The following FBXO11 variants were observed in gnomAD, a reference collection of about 807,000 sequenced individuals.
FBXO11 encodes the protein F-box only protein 11.
FBXO11 carries 13 observed loss-of-function variants against 117.0 expected under a neutral mutation model. The observed-to-expected ratio is 0.11, with a 90% CI of 0.07 to 0.18. The LOEUF is 0.18. Among genes scored for constraint, FBXO11 ranks in the 10% least tolerant of loss-of-function variants. The pLI is 1.00. For missense variants in FBXO11, 767 were observed against 1,164.4 expected (o/e 0.66, Z 4.97); for synonymous variants, 490 against 380.5 (o/e 1.29, Z -3.35).
At position 47,836,011 on chromosome 2, in the gene FBXO11, G is replaced by T; in HGVS notation, c.588-10C>A. 6.4e-7 allele frequency: 1 copy of T among 1,558,336 alleles called. No individual in the cohort carries two copies. Among genetic ancestry groups the T allele is most frequent in the Non-Finnish European group, 8.7e-7 (1 of 1,150,654 alleles). On this transcript the variant is annotated splice_polypyrimidine_tract_variant and intron_variant, in intron 4 of 22. Coordinates refer to ENST00000403359, the MANE Select transcript of FBXO11 (RefSeq NM_001190274.2). ...CATATATAATCGTTTCCTGAACAGA[G>T]AAAGGAATTAAAATTTTCTTGATAA...
At chr2:47,873,925 A>G (rs1446194731) in intron 1 of FBXO11, among the ~76,000 whole-genome samples, 1 of 152,076 alleles carries the variant, frequency 6.6e-6, no homozygotes, top group Non-Finnish European at 1.5e-5. Context: ...TAAAATATGT[A>G]ACTTTAAAGC....
At position 47,813,394 on chromosome 2, in the gene FBXO11, G is replaced by A; in HGVS notation, c.2084-17C>T. 3 of 1,174,902 alleles carry A rather than the reference G, an allele frequency of 2.6e-6. No individual in the cohort carries two copies. Among genetic ancestry groups the A allele is most frequent in the African/African-American group, 1.8e-5 (1 of 55,628 alleles). 72.8% of individuals were successfully genotyped at this position (1,174,902 alleles called of 1,614,324 possible). On this transcript the variant is annotated splice_polypyrimidine_tract_variant and intron_variant, in intron 17 of 22. Transcript: ENST00000403359. Reference sequence around the variant, plus strand: ...AGCCTAGACCTATAAATGCAAAAATGTAGGTTATCTAGAAGGTATATTTCT... The same window carrying A: ...AGCCTAGACCTATAAATGCAAAAATATAGGTTATCTAGAAGGTATATTTCT...
At chr2:47,819,982 G>C (rs572286843) in intron 14 of FBXO11, among the ~76,000 whole-genome samples, 1 of 152,162 alleles carries the variant, frequency 6.6e-6, no homozygotes, top group Non-Finnish European at 1.5e-5. Context: ...AAATGAAAAA[G>C]TGGCAGAACT....
chr2:47,867,286 A>G (rs1226929628), intron 1 of FBXO11, among the ~76,000 whole-genome samples: 1 of 152,198 alleles, frequency 6.6e-6, no homozygotes, highest in African/African-American at 2.4e-5. Context: ...GCTCTGCTCC[A>G]TAGAATCATC....
At chr2:47,894,511 A>C (rs1199977241) in intron 1 of FBXO11, among the ~76,000 whole-genome samples, 1 of 152,208 alleles carries the variant, frequency 6.6e-6, no homozygotes, top group African/African-American at 2.4e-5. Flanking sequence ...TTTTGGAATG[A>C]AGGCCCAGAA....
intron 16 of FBXO11, among the ~76,000 whole-genome samples, chr2:47,815,245 T>C (rs1343985200): frequency 2.0e-5 from 3 of 152,298 alleles, no homozygotes; most frequent in Admixed American, 6.5e-5. Context: ...GGATCTGGCC[T>C]AACGGTGATG....
At chr2:47,863,072 CAAAAAAA>C (rs1372271644) in intron 1 of FBXO11, among the ~76,000 whole-genome samples, 7 of 119,658 alleles carry the variant, frequency 5.9e-5, no homozygotes, top group Non-Finnish European at 1.4e-4. Context: ...AAAAAAAAAA[CAAAAAAA>C]CAAAAACAAA....
chr2:47,830,933 G>A (rs1022663563), intron 11 of FBXO11, among the ~76,000 whole-genome samples: 1 of 152,020 alleles, frequency 6.6e-6, no homozygotes, highest in Non-Finnish European at 1.5e-5. Flanking sequence ...CAAGTAGCTG[G>A]GACTACAGGT....
At chr2:47,828,036 C>G (rs1671894509) in intron 11 of FBXO11, among the ~76,000 whole-genome samples, 1 of 152,092 alleles carries the variant, frequency 6.6e-6, no homozygotes, top group Non-Finnish European at 1.5e-5. Flanking sequence ...GTCACCCAAG[C>G]TGGAGCTATC....
rs1026218300 is a variant in FBXO11 at position 47,906,073 on chromosome 2, G to C, written c.-353C>G. On this transcript the variant is annotated 5_prime_UTR_variant, in exon 1 of 23. Transcript: ENST00000403359. ...GGGGATCCCGAGGCGAAGCGCGGCG[G>C]CGGCGGCGGCGGCGGCTGAAGAGAC... 86 of 268,530 alleles carry C rather than the reference G, an allele frequency of 3.2e-4. No individual in the cohort carries two copies. The highest frequency in any genetic ancestry group is 1.2e-3 in the Admixed American group (21 of 17,590). The allele number at this position is 268,530 out of a possible 1,614,324, so 16.6% of individuals were successfully genotyped here. A position where few individuals can be genotyped will look rare whatever the true frequency, so the allele number is the denominator to read the frequency against.
At chr2:47,892,850 T>C (rs1307614505) in intron 1 of FBXO11, among the ~76,000 whole-genome samples, 1 of 152,156 alleles carries the variant, frequency 6.6e-6, no homozygotes, top group Non-Finnish European at 1.5e-5. Flanking sequence ...AATTTTCTTA[T>C]CTAGGCGTTT....
chr2:47,808,827 CAGTTACTGT>C, intron 21 of FBXO11: 1 of 261,036 alleles, frequency 3.8e-6, no homozygotes. Context: ...TGAATGACAT[CAGTTACTGT>C]AGCATTAGGT....
rs142641062 is a variant in FBXO11, at chr2:47,839,607, A to G, written c.360+35T>C. 6.5e-5 allele frequency: 104 copies of G among 1,606,238 alleles called. No homozygotes were observed. The African/African-American group carries it at 1.2e-3, about 18-fold the overall frequency. On this transcript the variant is annotated intron_variant, in intron 2 of 22. Transcript: ENST00000403359. ...TTTTTTGTTTCTTGAAAATTCTTTC[A>G]TTACAAAAAGAAAAGCAACTACAGT...
intron 1 of FBXO11, among the ~76,000 whole-genome samples, chr2:47,844,698 C>T (rs1391313458): frequency 6.6e-6 from 1 of 152,208 alleles, no homozygotes. Context: ...TGTCACCCGG[C>T]TGGAGTGCAG....
In FBXO11 at chr2:47,839,484, G is replaced by A; in HGVS notation, c.377C>T (p.Thr126Ile). The change falls in exon 3 of 23, where the codon ACT becomes ATT. Residue 126 changes from threonine to isoleucine, a missense_variant. Thr to Ile is a moderately conservative substitution (Grantham distance 89). Coordinates refer to ENST00000403359, the MANE Select transcript of FBXO11 (RefSeq NM_001190274.2). ...KNSMEGASTS[T>I]TENFGHRAKR... ...TGCACGATGACCAAAGTTTTCTGTA[G>A]TTGAAGTTGAGGCGCCCTTCAAAAA... 6.2e-7 allele frequency: 1 copy of A among 1,613,936 alleles called. No individual in the cohort carries two copies. The highest frequency in any genetic ancestry group is 8.5e-7 in the Non-Finnish European group (1 of 1,179,974).
At chr2:47,856,534 A>C (rs1674307271) in intron 1 of FBXO11, among the ~76,000 whole-genome samples, 1 of 152,234 alleles carries the variant, frequency 6.6e-6, no homozygotes, top group African/African-American at 2.4e-5. Context: ...GAAACTTGGA[A>C]AAACTTGAGG....
intron 1 of FBXO11, among the ~76,000 whole-genome samples, chr2:47,888,121 C>G (rs903800628): frequency 6.6e-6 from 1 of 152,178 alleles, no homozygotes; most frequent in East Asian, 1.9e-4. Flanking sequence ...ACACCGCTCA[C>G]TTCGCACTTA....
In FBXO11 at chr2:47,861,518, T is replaced by G. The variant is rs570057021; in HGVS notation, c.233-21749A>C. ...AATTTTTTTTGGAGAGATGGTGTCTTGCTGTATTGCCCTGACTGGTCTTGA... is the reference window on the plus strand; with the variant it reads ...AATTTTTTTTGGAGAGATGGTGTCTGGCTGTATTGCCCTGACTGGTCTTGA... On this transcript the variant is annotated intron_variant, in intron 1 of 22. Transcript: ENST00000403359. 7.2e-5 allele frequency among the ~76,000 whole-genome samples: 11 copies of G among 152,116 alleles called. No homozygotes were observed. The East Asian group carries it at 2.1e-3, about 29-fold the overall frequency.
At chr2:47,828,217 G>A (rs1214704589) in intron 11 of FBXO11, among the ~76,000 whole-genome samples, 3 of 152,218 alleles carry the variant, frequency 2.0e-5, no homozygotes, top group Non-Finnish European at 4.4e-5. Flanking sequence ...CTGGGTTCAT[G>A]CAGTCCTCCT....
Sources: gnomAD v4.1 joint callset for allele counts (sites outside exome capture counted in the v4.1 genomes callset) on GRCh38, gnomAD v4.1.1 for gene constraint, MANE v1.5 for transcripts, NCBI Gene and HGNC (gene_info 2026-07-23, HGNC 2026-07-21) for gene names.